MCM3: variants seen among roughly 807,000 people sequenced by gnomAD.
MCM3 encodes the protein minichromosome maintenance complex component 3, also known as DNA replication licensing factor MCM3.
A neutral mutation model predicts 91.3 loss-of-function variants in MCM3; 59 were observed. The observed-to-expected ratio is 0.65, with a 90% CI of 0.52 to 0.80. The LOEUF is 0.80. Ranked by LOEUF, MCM3 falls within the 30% of genes least tolerant of loss-of-function variation. The probability of loss-of-function intolerance (pLI) is 0.00; values close to 1 mark genes in which losing one functional copy is unlikely to be tolerated. For missense variants in MCM3, 919 were observed against 1,035.4 expected (o/e 0.89, Z 1.54); for synonymous variants, 383 against 379.6 (o/e 1.01, Z -0.10).
intron 12 of MCM3, among the ~76,000 whole-genome samples, chr6:52,269,674 G>C (rs1223877706): frequency 6.6e-6 from 1 of 152,178 alleles, no homozygotes; most frequent in African/African-American, 2.4e-5. Context: ...ACTAAAGGAG[G>C]GATAGGAAAG....
intron 5 of MCM3, 54 bp downstream of exon 5, chr6:52,279,307 C>T (rs1464959126): frequency 4.1e-6 from 6 of 1,448,254 alleles, no homozygotes; most frequent in African/African-American, 1.4e-5. Context: ...AAGGATATTA[C>T]CAGAAATGGA....
chr6:52,281,654 T>G (rs191475243), intron 4 of MCM3, among the ~76,000 whole-genome samples: 1 of 152,056 alleles, frequency 6.6e-6, no homozygotes, highest in Non-Finnish European at 1.5e-5. Context: ...CACTCCAGCC[T>G]GAGAGAGACA....
At position 52,272,389 on chromosome 6, in the gene MCM3, G is replaced by A. The variant is rs1765209508; in HGVS notation, c.1739C>T (p.Pro580Leu). 1 of 1,614,032 alleles carries A rather than the reference G, an allele frequency of 6.2e-7. No homozygotes were observed. Among genetic ancestry groups the A allele is most frequent in the Non-Finnish European group, 8.5e-7 (1 of 1,180,040 alleles). The change falls in exon 12 of 17, where the codon CCT becomes CTT. Residue 580 changes from proline to leucine, a missense_variant. By Grantham distance (98) the Pro-to-Leu change is moderately conservative. This residue lies in a region of MCM3 where 285 missense variants were observed against 311.4 expected (regional missense o/e 0.92). Coordinates refer to ENST00000596288, the MANE Select transcript of MCM3 (RefSeq NM_002388.6). ...GGTGGCCGACTCCTGTGTCAGGACAGGCTTGATGATTTTGGCCACATGGAT... is the reference window on the plus strand; with the variant it reads ...GGTGGCCGACTCCTGTGTCAGGACAAGCTTGATGATTTTGGCCACATGGAT... ...KYIHVAKIIKPVLTQESATYI... is the reference protein window; with the variant it reads ...KYIHVAKIIKLVLTQESATYI...
At chr6:52,284,502 A>ACCTC (rs1766465162) in intron 1 of MCM3, 95 bp downstream of exon 1, 2 of 1,141,650 alleles carry the variant, frequency 1.8e-6, no homozygotes, top group Admixed American at 5.1e-5. Flanking sequence ...GCTGCGGCAC[A>ACCTC]CGGTCTGGAG....
chr6:52,276,469 G>A lies in MCM3; in HGVS notation c.1173C>T (p.Arg391=). 6.2e-7 allele frequency: 1 copy of A among 1,614,000 alleles called. No individual in the cohort carries two copies. ...GGACCATGGCCCCTGCTTCCAGACG[G>A]CGCTCTCCTGGGAAGTGAGAAGGTA... ...AVTTDQETGE[R]RLEAGAMVLA... Residue 391 remains arginine (R), a synonymous_variant, in exon 9 of 17, where the codon CGC becomes CGT. Coordinates refer to ENST00000596288, the MANE Select transcript of MCM3 (RefSeq NM_002388.6).
In MCM3 at chr6:52,279,539, T is replaced by C. The variant is rs545508133; in HGVS notation, c.592A>G (p.Thr198Ala). The change falls in exon 5 of 17, where the codon ACC becomes GCC. Residue 198 changes from threonine to alanine, a missense_variant. Transcript: ENST00000596288. ...TCCGGCATCTCCTGGATGGTGATGG[T>C]CTGGTGATCCTTGTAGACAGAAAGG... ...YGLSVYKDHQ[T>A]ITIQEMPEKA... The C allele has an allele frequency of 9.5e-5, 154 of 1,614,060 alleles. 2 individuals carry two copies. The South Asian group carries it at 1.6e-3, about 17-fold the overall frequency.
intron 14 of MCM3, among the ~76,000 whole-genome samples, chr6:52,267,528 C>CTTT (rs773522164): frequency 2.2e-5 from 3 of 136,288 alleles, no homozygotes; most frequent in Non-Finnish European, 4.8e-5. Flanking sequence ...GAACTTACTA[C>CTTT]TTTTTTTTTT....
chr6:52,282,270 C>T, intron 3 of MCM3, 95 bp from the exon 4 acceptor site: 1 of 1,172,548 alleles, frequency 8.5e-7, no homozygotes, highest in Admixed American at 2.1e-5. Context: ...ACTCCAAATA[C>T]TGTGTTTTTT....
chr6:52,282,504 T>C, intron 3 of MCM3, 149 bp downstream of exon 3: 1 of 666,028 alleles, frequency 1.5e-6, no homozygotes, highest in Non-Finnish European at 2.6e-6. Flanking sequence ...CCCCAATCAT[T>C]GTACACACTG....
chr6:52,277,445 C>T (rs1765680223), intron 7 of MCM3, 90 bp downstream of exon 7: 6 of 1,347,168 alleles, frequency 4.5e-6, no homozygotes, highest in African/African-American at 1.5e-5. Context: ...TGAAATACTG[C>T]TAAGTACAGA....
intron 9 of MCM3, among the ~76,000 whole-genome samples, chr6:52,275,065 T>C (rs1247608243): frequency 1.6e-4 from 24 of 152,114 alleles, no homozygotes. Context: ...CGCCCAGCCC[T>C]ATCATTAATT....
Position 52,282,092 on chromosome 6 carries a change from G to A in MCM3, c.484C>T (p.Leu162Phe). The A allele has an allele frequency of 6.2e-7, 1 of 1,614,056 alleles. No homozygotes were observed. The highest frequency in any genetic ancestry group is 1.3e-5 in the African/African-American group (1 of 75,020). ...GAGGGAAAGGCCACCAGGGTGGTGAGATCAGAATAACGTCGCTCTATGGTC... is the reference window on the plus strand; with the variant it reads ...GAGGGAAAGGCCACCAGGGTGGTGAAATCAGAATAACGTCGCTCTATGGTC... ...KKTIERRYSD[L>F]TTLVAFPSSS... The change falls in exon 4 of 17, where the codon CTC (leucine) becomes TTC (phenylalanine). Residue 162 changes from leucine to phenylalanine, a missense_variant. Coordinates refer to ENST00000596288, the MANE Select transcript of MCM3 (RefSeq NM_002388.6).
At chr6:52,284,115 CAA>C (rs1766418585) in intron 1 of MCM3, among the ~76,000 whole-genome samples, 1 of 152,310 alleles carries the variant, frequency 6.6e-6, no homozygotes, top group South Asian at 2.1e-4. Flanking sequence ...GGCCTGCACA[CAA>C]AACACTTTTT....
intron 5 of MCM3, among the ~76,000 whole-genome samples, 188 bp downstream of exon 5, chr6:52,279,173 T>C (rs1174538925): frequency 6.6e-6 from 1 of 152,200 alleles, no homozygotes; most frequent in Non-Finnish European, 1.5e-5. Context: ...ATTTTTGGCA[T>C]ATGATGGTTA....
intron 4 of MCM3, among the ~76,000 whole-genome samples, chr6:52,280,982 G>C (rs1766043095): frequency 6.6e-6 from 1 of 152,210 alleles, no homozygotes; most frequent in South Asian, 2.1e-4. Flanking sequence ...CGAGGACTGG[G>C]TCTTATTTAT....
At chr6:52,271,579 T>C (rs1489664825) in intron 12 of MCM3, among the ~76,000 whole-genome samples, 1 of 152,080 alleles carries the variant, frequency 6.6e-6, no homozygotes, top group Non-Finnish European at 1.5e-5. Context: ...GAGGTGGAGA[T>C]TGCAGTGAGT....
At chr6:52,284,503 C>A (rs1766464976) in intron 1 of MCM3, 94 bp downstream of exon 1, 1 of 1,145,394 alleles carries the variant, frequency 8.7e-7, no homozygotes. Flanking sequence ...CTGCGGCACA[C>A]GGTCTGGAGG....
rs762877089 is a variant in MCM3, at chr6:52,266,139, T to C, written c.2164A>G (p.Thr722Ala). 119 of 1,613,614 alleles carry C rather than the reference T, an allele frequency of 7.4e-5. No individual in the cohort carries two copies. Among genetic ancestry groups the C allele is most frequent in the Non-Finnish European group, 9.5e-5 (112 of 1,179,710 alleles). Residue 722 changes from threonine to alanine, a missense_variant, in exon 16 of 17, where the codon ACT (threonine) becomes GCT (alanine). By Grantham distance (58) the Thr-to-Ala change is moderately conservative. Transcript: ENST00000596288. ...TCCTGTGAGTCTGCCGTCTTTGGAG[T>C]GTGTACTTCAGAGGGTTGATGGTTG... ...DTEEEMPQVH[T>A]PKTADSQETK... is the part of the protein sequence containing the mutation.
intron 12 of MCM3, among the ~76,000 whole-genome samples, chr6:52,271,499 G>T (rs1481729051): frequency 1.3e-5 from 2 of 152,006 alleles, no homozygotes. Flanking sequence ...AAAATTAGCC[G>T]GGTGTAGTGG....
Sources: allele counts gnomAD v4.1 joint callset (sites outside exome capture counted in the v4.1 genomes callset), GRCh38; gene constraint gnomAD v4.1.1; regional missense constraint gnomAD v4.1.1; transcripts MANE v1.5; gene names NCBI Gene and HGNC (gene_info 2026-07-23, HGNC 2026-07-21).